COL4A4: variants seen among roughly 807,000 people sequenced by gnomAD.
COL4A4 encodes the protein collagen type IV alpha 4 chain, also known as collagen alpha-4(IV) chain.
COL4A4 carries 105 observed loss-of-function variants against 192.9 expected under a neutral mutation model. That is an observed-to-expected ratio of 0.54 (90% confidence interval 0.46 to 0.64). The LOEUF (loss-of-function observed/expected upper bound fraction) is 0.64, where lower values mean the gene tolerates loss of function less well. Among genes scored for constraint, COL4A4 ranks in the 30% least tolerant of loss-of-function variants. The probability of loss-of-function intolerance (pLI) is 0.00; values close to 1 mark genes in which losing one functional copy is unlikely to be tolerated. For synonymous variants in COL4A4, 762 were observed against 769.9 expected, an observed-to-expected ratio of 0.99 and a Z score of 0.17; for missense variants, 1,967 against 2,169.3, an observed-to-expected ratio of 0.91 and a Z score of 1.85.
chr2:227,122,766 G>A (rs2061867953), intron 4 of COL4A4, among the ~76,000 whole-genome samples: 2 of 152,166 alleles, frequency 1.3e-5, no homozygotes, highest in Admixed American at 1.3e-4. Context: ...CCCCACATTG[G>A]GTAGAAGGTC....
At chr2:227,153,514 G>A (rs919065587) in intron 1 of COL4A4, among the ~76,000 whole-genome samples, 10 of 152,130 alleles carry the variant, frequency 6.6e-5, no homozygotes, top group Non-Finnish European at 1.5e-4. Context: ...ACACGGAAAG[G>A]CTCGAGATAA....
rs914871365 is a variant in COL4A4 at position 227,123,050 on chromosome 2, A to G, written c.193-1902T>C. 6.6e-6 allele frequency among the ~76,000 whole-genome samples: 1 copy of G among 151,956 alleles called. No individual in the cohort carries two copies. The highest frequency in any genetic ancestry group is 2.4e-5 in the African/African-American group (1 of 41,362). On this transcript the variant is annotated intron_variant, in intron 4 of 47. Transcript: ENST00000396625. The surrounding 1 kb of genome is among the most constrained non-coding windows in gnomAD (Gnocchi z 4.6). Reference sequence around the variant, plus strand: ...TGGCTAATTTTTGTATTTTTAGTAGAGACTGGGTTTCAGTATGTTGGCCAG... The same window carrying G: ...TGGCTAATTTTTGTATTTTTAGTAGGGACTGGGTTTCAGTATGTTGGCCAG...
At position 227,022,154 on chromosome 2, in the gene COL4A4, T is replaced by G. The variant is rs1460475804; in HGVS notation, c.4110A>C (p.Ala1370=). ...PGPRGEPGPP[A]DVDDCPRIPG... ...GGATTCGGGGACAGTCATCCACATC[T>G]GCAGGTGGCCCCGGTTCACCTGAAA... The change falls in exon 44 of 48, where the codon GCA becomes GCC. Residue 1370 remains alanine, a synonymous_variant. Coordinates refer to ENST00000396625, the MANE Select transcript of COL4A4 (RefSeq NM_000092.5). The G allele has an allele frequency of 6.2e-7, 1 of 1,614,134 alleles. No homozygotes were observed. Among genetic ancestry groups the G allele is most frequent in the South Asian group, 1.1e-5 (1 of 91,082 alleles).
In COL4A4 at chr2:227,030,453, A is replaced by G. The variant is rs116124529; in HGVS notation, c.3963T>C (p.Asp1321=). Residue 1321 remains aspartate (D), a synonymous_variant, in exon 41 of 48, where the codon GAT becomes GAC. Coordinates refer to ENST00000396625, the MANE Select transcript of COL4A4 (RefSeq NM_000092.5). ...GAACAACATTCATACCTTTCTGGCC[A>G]TCTTTTCCATCACATCCTGGAAAGC... ...YKGFPGCDGK[D]GQKGPVGFPG... 1,831 of 1,614,216 alleles carry G rather than the reference A, an allele frequency of 1.1e-3. 22 individuals are homozygous for G. In the African/African-American group the frequency reaches 0.021, roughly 18 times the overall value.
chr2:227,105,534 CAAT>C lies in COL4A4; in HGVS notation c.736-1485_736-1483del, dbSNP rs564673789. ...AGATTAGATTATTTCTATTTATTTT[CAAT>C]AATATTTTAAAACTGTAAAATAATA... On this transcript the variant is annotated intron_variant, in intron 12 of 47. Coordinates refer to ENST00000396625, the MANE Select transcript of COL4A4 (RefSeq NM_000092.5). Among the ~76,000 whole-genome samples, 21 of 152,128 alleles carry C rather than the reference CAAT, an allele frequency of 1.4e-4. No individual in the cohort carries two copies. In the South Asian group the frequency reaches 4.4e-3, roughly 32 times the overall value.
chr2:227,073,296 AC>A (rs934833689), intron 25 of COL4A4, among the ~76,000 whole-genome samples: 8 of 146,734 alleles, frequency 5.5e-5, no homozygotes, highest in Non-Finnish European at 9.0e-5. Context: ...TCCTTTTACA[AC>A]AGCTGTGAAA....
chr2:227,027,414 G>A (rs1967129065), intron 42 of COL4A4, among the ~76,000 whole-genome samples: 1 of 149,790 alleles, frequency 6.7e-6, no homozygotes, highest in African/African-American at 2.5e-5. Flanking sequence ...ACTCATAGGT[G>A]GGAACTGAAC....
At chr2:227,020,522 GTC>G (rs1176420136) in intron 44 of COL4A4, among the ~76,000 whole-genome samples, 1 of 152,206 alleles carries the variant, frequency 6.6e-6, no homozygotes, top group Admixed American at 6.5e-5. Context: ...CTAAGAACGA[GTC>G]TGACTCCTGT....
the COL4A4 span, among the ~76,000 whole-genome samples, chr2:226,977,566 C>T: frequency 1.3e-5 from 2 of 152,108 alleles, no homozygotes; most frequent in African/African-American, 2.4e-5. Flanking sequence ...AATGGTGAAC[C>T]GTGAAACACC....
In COL4A4 at chr2:227,052,429, T is replaced by A. The variant is rs756790272; in HGVS notation, c.2861-17A>T. On this transcript the variant is annotated splice_polypyrimidine_tract_variant and intron_variant, in intron 31 of 47. Coordinates refer to ENST00000396625, the MANE Select transcript of COL4A4 (RefSeq NM_000092.5). ...CTATGGCTCCTATGGATATTAATTATGCAAGAACAAAATGAACAGGAACAT... is the reference window on the plus strand; with the variant it reads ...CTATGGCTCCTATGGATATTAATTAAGCAAGAACAAAATGAACAGGAACAT... 8.6e-6 allele frequency: 12 copies of A among 1,397,736 alleles called. No individual in the cohort carries two copies. The highest frequency in any genetic ancestry group is 1.2e-5 in the Non-Finnish European group (12 of 983,224). The allele number at this position is 1,397,736 out of a possible 1,614,324, so 86.6% of individuals were successfully genotyped here.
At chr2:227,090,052 C>G (rs960960665) in intron 20 of COL4A4, 95 bp from the exon 21 acceptor site, 3 of 905,038 alleles carry the variant, frequency 3.3e-6, no homozygotes, top group Non-Finnish European at 3.5e-6. Flanking sequence ...CATCCTCCCC[C>G]ACGTGCTTCC....
At position 227,003,445 on chromosome 2, in the gene COL4A4, G is replaced by A. The variant is rs1180633078; in HGVS notation, c.*3880C>T. The A allele has an allele frequency of 6.6e-6, 1 of 152,078 alleles. No individual in the cohort carries two copies. The highest frequency in any genetic ancestry group is 1.5e-5 in the Non-Finnish European group (1 of 68,026). 9.4% of individuals were successfully genotyped at this position (152,078 alleles called of 1,614,324 possible). A position where few individuals can be genotyped will look rare whatever the true frequency, so the allele number is the denominator to read the frequency against. On this transcript the variant is annotated 3_prime_UTR_variant, in exon 48 of 48. Coordinates refer to ENST00000396625, the MANE Select transcript of COL4A4 (RefSeq NM_000092.5). ...ATGACTAAGCCAGATTTCAAACCTG[G>A]GTTCGACCAACTCTCAAGTCCTCTT...
At chr2:227,000,916 C>T (rs1960780766), downstream of COL4A4, among the ~76,000 whole-genome samples, 1 of 152,068 alleles carries the variant, frequency 6.6e-6, no homozygotes, top group Admixed American at 6.5e-5. Flanking sequence ...TCTTGTCAGC[C>T]ACCATGTGAG....
chr2:227,057,678 T>C, intron 28 of COL4A4, 78 bp from the exon 29 acceptor site: 1 of 1,421,916 alleles, frequency 7.0e-7, no homozygotes, highest in South Asian at 1.2e-5. Flanking sequence ...TTCACGCATA[T>C]CAATACTGGA....
intron 4 of COL4A4, among the ~76,000 whole-genome samples, chr2:227,134,812 C>T (rs1010624049): frequency 2.6e-5 from 4 of 152,198 alleles, no homozygotes; most frequent in Non-Finnish European, 5.9e-5. Flanking sequence ...TTGACATTTA[C>T]GTCATTTGAC....
At chr2:227,067,628 A>C (rs2058430721) in intron 25 of COL4A4, among the ~76,000 whole-genome samples, 1 of 152,194 alleles carries the variant, frequency 6.6e-6, no homozygotes. Context: ...CTGGGTACAT[A>C]ACGAAATGAA....
At chr2:227,131,696 C>T (rs990392828) in intron 4 of COL4A4, among the ~76,000 whole-genome samples, 4 of 152,144 alleles carry the variant, frequency 2.6e-5, no homozygotes, top group African/African-American at 9.6e-5. Context: ...GGCAAAAGAC[C>T]TGATAAAGTG....
chr2:227,058,606 C>T (rs1976100060), intron 28 of COL4A4, among the ~76,000 whole-genome samples: 1 of 152,152 alleles, frequency 6.6e-6, no homozygotes, highest in African/African-American at 2.4e-5. Flanking sequence ...GGCCCACCGA[C>T]TTTTAGAAAA....
rs1963428353 is a variant in COL4A4 at position 227,010,509 on chromosome 2, A to G, written c.4334-8T>C. On this transcript the variant is annotated splice_region_variant and splice_polypyrimidine_tract_variant and intron_variant, in intron 45 of 47. Coordinates refer to ENST00000396625, the MANE Select transcript of COL4A4 (RefSeq NM_000092.5). ...CAATGGGACCAGGAGGCCCTGGAGG[A>G]ACAAAGGAAAAAAATTGAAGGCAGG... is the stretch of plus-strand genomic sequence containing the variant. 1.3e-6 allele frequency: 2 copies of G among 1,544,004 alleles called. No homozygotes were observed. Among genetic ancestry groups the G allele is most frequent in the South Asian group, 2.5e-5 (2 of 81,262 alleles).
Sources: gnomAD v4.1 joint callset for allele counts (sites outside exome capture counted in the v4.1 genomes callset) on GRCh38, gnomAD v4.1.1 for gene constraint, Gnocchi (gnomAD v3.1) non-coding constraint, MANE v1.5 for transcripts, NCBI Gene and HGNC (gene_info 2026-07-23, HGNC 2026-07-21) for gene names.